Variants in DPYD observed in about 807,000 individuals in gnomAD.
DPYD encodes dihydropyrimidine dehydrogenase.
A neutral mutation model predicts 116.2 loss-of-function variants in DPYD; 109 were observed. The ratio of observed to expected loss-of-function variants is 0.94; its 90% CI spans 0.80 to 1.10. DPYD has a LOEUF of 1.10. Ranked by LOEUF, DPYD falls within the 50% of genes least tolerant of loss-of-function variation. The probability of loss-of-function intolerance (pLI) is 0.00; values close to 1 mark genes in which losing one functional copy is unlikely to be tolerated. For missense variants in DPYD, 1,302 were observed against 1,254.5 expected (o/e 1.04, Z -0.57); for synonymous variants, 440 against 432.0 (o/e 1.02, Z -0.23).
At chr1:97,861,373 C>T (rs985340643) in intron 2 of DPYD, among the ~76,000 whole-genome samples, 3 of 151,252 alleles carry the variant, frequency 2.0e-5, no homozygotes, top group Admixed American at 1.3e-4. Context: ...TGAGATATAA[C>T]TTCAATGAAT....
At chr1:97,880,094 G>C (rs1435983232) in intron 2 of DPYD, among the ~76,000 whole-genome samples, 1 of 151,620 alleles carries the variant, frequency 6.6e-6, no homozygotes, top group Non-Finnish European at 1.5e-5. Context: ...ATGCAGGCTA[G>C]AAATATAAAG....
rs1027193408 is a variant in DPYD at position 97,840,621 on chromosome 1, T to G, written c.151-12425A>C. On this transcript the variant is annotated intron_variant, in intron 2 of 22. Transcript: ENST00000370192. ...AGTAGGGTAAGTTTTTTGTCTTATTTCTTTTTAATTATTAAAAAATATGAC... is the reference window on the plus strand; with the variant it reads ...AGTAGGGTAAGTTTTTTGTCTTATTGCTTTTTAATTATTAAAAAATATGAC... Among the ~76,000 whole-genome samples, 4 of 152,250 alleles carry G rather than the reference T, an allele frequency of 2.6e-5. No individual in the cohort carries two copies. In the South Asian group the frequency reaches 8.3e-4, roughly 32 times the overall value.
At chr1:97,672,850 T>A (rs953947411) in intron 8 of DPYD, among the ~76,000 whole-genome samples, 5 of 152,216 alleles carry the variant, frequency 3.3e-5, no homozygotes, top group Non-Finnish European at 7.4e-5. Context: ...ATGGATTTTT[T>A]AAATTATAAT....
At chr1:97,822,411 T>C (rs1187488022) in intron 3 of DPYD, among the ~76,000 whole-genome samples, 1 of 148,310 alleles carries the variant, frequency 6.7e-6, no homozygotes, top group South Asian at 2.1e-4. Context: ...TATTTATATG[T>C]AATATATACA....
In DPYD at chr1:97,474,665, ATG is replaced by A. The variant is rs1453052076; in HGVS notation, c.1741-24444_1741-24443del. Among the ~76,000 whole-genome samples the A allele has an allele frequency of 9.9e-5, 15 of 152,132 alleles. 4 individuals are homozygous for A. The highest frequency in any genetic ancestry group is 3.6e-4 in the African/African-American group (15 of 41,572). ...AAAATAAATGATAAACACAGAAGCTATGTGTTATTTCTATTTAAGAACAAACT... is the reference window on the plus strand; with the variant it reads ...AAAATAAATGATAAACACAGAAGCTATGTTATTTCTATTTAAGAACAAACT... On this transcript the variant is annotated intron_variant, in intron 13 of 22. Transcript: ENST00000370192.
In DPYD at chr1:97,328,667, A is replaced by G. The variant is rs1668829843; in HGVS notation, c.2059-22370T>C. On this transcript the variant is annotated intron_variant, in intron 16 of 22. Coordinates refer to ENST00000370192, the MANE Select transcript of DPYD (RefSeq NM_000110.4). ...GAAAAGTATCAATAGTGTTATAGGTATCCAAAAGACACATTAGTTAGAAAA... is the reference window on the plus strand; with the variant it reads ...GAAAAGTATCAATAGTGTTATAGGTGTCCAAAAGACACATTAGTTAGAAAA... Among the ~76,000 whole-genome samples the G allele has an allele frequency of 5.3e-5, 8 of 152,254 alleles. No individual in the cohort carries two copies. The South Asian group carries it at 1.5e-3, about 28-fold the overall frequency.
At chr1:97,880,878 G>A (rs1672182397) in intron 2 of DPYD, among the ~76,000 whole-genome samples, 1 of 151,896 alleles carries the variant, frequency 6.6e-6, no homozygotes, top group African/African-American at 2.4e-5. Flanking sequence ...CTTAATGACT[G>A]CACAATATAC....
At chr1:97,226,916 GT>G (rs58663527) in intron 19 of DPYD, among the ~76,000 whole-genome samples, 1 of 152,266 alleles carries the variant, frequency 6.6e-6, no homozygotes, top group African/African-American at 2.4e-5. Context: ...CCATTGAAAT[GT>G]TGACATCTTG....
chr1:97,517,133 A>AGG (rs1307500620), intron 12 of DPYD, among the ~76,000 whole-genome samples: 1 of 152,072 alleles, frequency 6.6e-6, no homozygotes, highest in East Asian at 1.9e-4. Flanking sequence ...AAACTTGTCA[A>AGG]TTGAAACACT....
intron 8 of DPYD, among the ~76,000 whole-genome samples, chr1:97,670,003 T>A (rs1326433555): frequency 6.6e-6 from 1 of 152,108 alleles, no homozygotes; most frequent in Non-Finnish European, 1.5e-5. Flanking sequence ...CAACAGTACA[T>A]CTCCTAGCTC....
chr1:97,486,483 A>C (rs1409698522), intron 13 of DPYD, among the ~76,000 whole-genome samples: 2 of 152,070 alleles, frequency 1.3e-5, no homozygotes, highest in African/African-American at 4.8e-5. Flanking sequence ...AGCCATGGAG[A>C]TTATGGGTAG....
intron 11 of DPYD, among the ~76,000 whole-genome samples, chr1:97,571,655 T>C (rs1029985657): frequency 6.6e-6 from 1 of 151,950 alleles, no homozygotes; most frequent in African/African-American, 2.4e-5. Flanking sequence ...TGACATGACA[T>C]AGTGTTAGGA....
intron 14 of DPYD, among the ~76,000 whole-genome samples, chr1:97,416,338 C>A (rs1365512671): frequency 6.6e-6 from 1 of 152,100 alleles, no homozygotes; most frequent in Non-Finnish European, 1.5e-5. Flanking sequence ...TCATGTGGAG[C>A]TATAATTTGG....
At chr1:97,766,344 T>C (rs1383404666) in intron 3 of DPYD, among the ~76,000 whole-genome samples, 1 of 152,130 alleles carries the variant, frequency 6.6e-6, no homozygotes, top group Non-Finnish European at 1.5e-5. Flanking sequence ...AGATATTATA[T>C]TCAGAATGTC....
chr1:97,203,493 T>TG, intron 19 of DPYD, among the ~76,000 whole-genome samples: 1 of 2,536 alleles, frequency 3.9e-4, no homozygotes, highest in East Asian at 0.018. Context: ...TGGGGGGAGG[T>TG]GGGCGGGATA....
intron 2 of DPYD, among the ~76,000 whole-genome samples, chr1:97,846,830 T>C (rs561647068): frequency 6.6e-5 from 10 of 152,346 alleles, no homozygotes; most frequent in African/African-American, 2.2e-4. Flanking sequence ...TATTATTTGT[T>C]CACCTATGTT....
intron 3 of DPYD, among the ~76,000 whole-genome samples, chr1:97,756,262 A>G (rs1396654474): frequency 6.6e-6 from 1 of 152,188 alleles, no homozygotes; most frequent in Admixed American, 6.6e-5. Context: ...AAAGCCAAAC[A>G]TAAACTGATC....
At chr1:97,920,779 T>C in intron 1 of DPYD, 105 bp downstream of exon 1, 2 of 1,462,228 alleles carry the variant, frequency 1.4e-6, no homozygotes, top group Non-Finnish European at 1.9e-6. Context: ...TTCCCGCGTC[T>C]CTCACTCTCC....
intron 13 of DPYD, among the ~76,000 whole-genome samples, chr1:97,475,810 TTTGGCCTAATCCTCC>T (rs200838405): frequency 0.017 from 2,587 of 152,250 alleles, 39 homozygotes; most frequent in Non-Finnish European, 0.026. Context: ...AGACTTGACT[TTTGGCCTAATCCTCC>T]TTGGCCTAAT....
Sources: gnomAD v4.1 joint callset for allele counts (sites outside exome capture counted in the v4.1 genomes callset) on GRCh38, gnomAD v4.1.1 for gene constraint, MANE v1.5 for transcripts, NCBI Gene and HGNC (gene_info 2026-07-23, HGNC 2026-07-21) for gene names.